SNX3: variants seen among roughly 807,000 people sequenced by gnomAD.
SNX3 encodes sorting nexin 3.
SNX3 carries 5 observed loss-of-function variants against 17.7 expected under a neutral mutation model. The ratio of observed to expected loss-of-function variants is 0.28; its 90% CI spans 0.15 to 0.59. The LOEUF is 0.59. Among genes scored for constraint, SNX3 ranks in the 20% least tolerant of loss-of-function variants. The pLI is 0.88. For missense variants in SNX3, 132 were observed against 206.8 expected (o/e 0.64, Z 2.22); for synonymous variants, 91 against 76.5 (o/e 1.19, Z -0.99).
intron 2 of SNX3, among the ~76,000 whole-genome samples, chr6:108,218,795 C>G (rs1227189940): frequency 6.6e-6 from 1 of 152,170 alleles, no homozygotes; most frequent in Non-Finnish European, 1.5e-5. Context: ...TACATATGCC[C>G]AGAATGGGCA....
rs987333856 is a variant in SNX3, at chr6:108,260,987, G to A, written c.-66C>T. 1.4e-6 allele frequency: 2 copies of A among 1,384,148 alleles called. No individual in the cohort carries two copies. Among genetic ancestry groups the A allele is most frequent in the Non-Finnish European group, 1.9e-6 (2 of 1,063,758 alleles). 85.7% of individuals were successfully genotyped at this position (1,384,148 alleles called of 1,614,324 possible). On this transcript the variant is annotated 5_prime_UTR_variant, in exon 1 of 4. Transcript: ENST00000230085. ...CCCTCCGCGTTCAGCCGCCGCCGCC[G>A]CCGCTGCTGCCCGCCGTGGGGACAC...
At chr6:108,237,974 G>C (rs955190751) in intron 1 of SNX3, among the ~76,000 whole-genome samples, 1 of 151,498 alleles carries the variant, frequency 6.6e-6, no homozygotes, top group Non-Finnish European at 1.5e-5. Context: ...GCACGCGCCT[G>C]TAGTCTCAGC....
chr6:108,222,415 A>G (rs1265822402), intron 2 of SNX3: 1 of 1,210,020 alleles, frequency 8.3e-7, no homozygotes, highest in Non-Finnish European at 1.1e-6. Context: ...GGCATGTAAC[A>G]GTGTTTTTAA....
intron 1 of SNX3, among the ~76,000 whole-genome samples, chr6:108,249,522 T>C (rs1285982011): frequency 6.6e-6 from 1 of 152,208 alleles, no homozygotes; most frequent in Non-Finnish European, 1.5e-5. Context: ...TGGCATCATC[T>C]TCAGTGTTGG....
chr6:108,245,767 T>C (rs911901655), intron 1 of SNX3, among the ~76,000 whole-genome samples: 8 of 152,246 alleles, frequency 5.3e-5, no homozygotes, highest in African/African-American at 1.9e-4. Flanking sequence ...GAAGTGTCTG[T>C]TCATATCCTT....
chr6:108,259,440 T>C (rs1776124004), intron 1 of SNX3, among the ~76,000 whole-genome samples: 1 of 151,928 alleles, frequency 6.6e-6, no homozygotes, highest in Non-Finnish European at 1.5e-5. Context: ...TCCATGCTGG[T>C]CAGGCTGGTG....
At chr6:108,219,701 C>T (rs1774696697) in intron 2 of SNX3, among the ~76,000 whole-genome samples, 1 of 152,170 alleles carries the variant, frequency 6.6e-6, no homozygotes, top group East Asian at 1.9e-4. Flanking sequence ...ATTTCAACTC[C>T]ATTTGCTGAA....
At chr6:108,247,829 G>T (rs1202972069) in intron 1 of SNX3, among the ~76,000 whole-genome samples, 2 of 152,012 alleles carry the variant, frequency 1.3e-5, no homozygotes, top group Non-Finnish European at 2.9e-5. Context: ...CGGGTGTGGT[G>T]GCTCATGCCT....
At chr6:108,231,860 T>G (rs926669759) in intron 1 of SNX3, among the ~76,000 whole-genome samples, 2 of 152,216 alleles carry the variant, frequency 1.3e-5, no homozygotes, top group East Asian at 3.8e-4. Context: ...AAAGCCCCAC[T>G]CCCTGCCAAA....
intron 1 of SNX3, among the ~76,000 whole-genome samples, chr6:108,231,483 A>C (rs760784285): frequency 2.0e-5 from 3 of 152,148 alleles, no homozygotes; most frequent in Non-Finnish European, 4.4e-5. Flanking sequence ...GCAACATTCT[A>C]CATTTGGGTT....
chr6:108,231,901 C>G (rs971806389), intron 1 of SNX3, among the ~76,000 whole-genome samples: 7 of 152,188 alleles, frequency 4.6e-5, no homozygotes, highest in African/African-American at 1.7e-4. Context: ...GTATTAAGTA[C>G]AGAATGTTTT....
chr6:108,223,380 C>T (rs963865645), intron 1 of SNX3, among the ~76,000 whole-genome samples: 5 of 151,714 alleles, frequency 3.3e-5, no homozygotes, highest in Non-Finnish European at 5.9e-5. Context: ...TCAGGTGATC[C>T]GCCCGCCTCG....
chr6:108,248,078 T>C (rs1310729674), intron 1 of SNX3, among the ~76,000 whole-genome samples: 1 of 152,204 alleles, frequency 6.6e-6, no homozygotes, highest in Non-Finnish European at 1.5e-5. Context: ...GATTCTGGCA[T>C]GTCATTGATG....
At chr6:108,236,384 T>TATTA (rs1390557051) in intron 1 of SNX3, among the ~76,000 whole-genome samples, 5 of 109,954 alleles carry the variant, frequency 4.5e-5, no homozygotes, top group East Asian at 2.5e-4. Flanking sequence ...TATTATTTTT[T>TATTA]TTTTTTTTTT....
intron 1 of SNX3, among the ~76,000 whole-genome samples, chr6:108,240,401 T>C (rs1775480147): frequency 6.6e-6 from 1 of 152,158 alleles, no homozygotes; most frequent in Admixed American, 6.5e-5. Flanking sequence ...GTATTTTTAG[T>C]AGATATGGAG....
At chr6:108,249,450 A>T (rs1251233079) in intron 1 of SNX3, among the ~76,000 whole-genome samples, 1 of 152,138 alleles carries the variant, frequency 6.6e-6, no homozygotes, top group Non-Finnish European at 1.5e-5. Context: ...AAATTAATTA[A>T]TTCTGGCTAG....
intron 1 of SNX3, among the ~76,000 whole-genome samples, chr6:108,243,544 A>G (rs1022256517): frequency 5.9e-5 from 9 of 152,144 alleles, no homozygotes; most frequent in Admixed American, 3.3e-4. Flanking sequence ...ACTTCAGCAC[A>G]TTACCCATCT....
intron 1 of SNX3, among the ~76,000 whole-genome samples, chr6:108,238,178 A>G (rs1775409727): frequency 6.6e-6 from 1 of 151,866 alleles, no homozygotes; most frequent in East Asian, 1.9e-4. Context: ...AGAATCTACC[A>G]TGAACTAAGT....
intron 1 of SNX3, among the ~76,000 whole-genome samples, chr6:108,232,695 C>T (rs1299191295): frequency 6.6e-6 from 1 of 152,202 alleles, no homozygotes; most frequent in African/African-American, 2.4e-5. Context: ...ATACTCTATT[C>T]AACCAATCCT....
Sources: gnomAD v4.1 joint callset for allele counts (sites outside exome capture counted in the v4.1 genomes callset) on GRCh38, gnomAD v4.1.1 for gene constraint, MANE v1.5 for transcripts, NCBI Gene and HGNC (gene_info 2026-07-23, HGNC 2026-07-21) for gene names.